The following PCDHGA8 variants were observed in gnomAD, a reference collection of about 807,000 sequenced individuals.
PCDHGA8 encodes the protein protocadherin gamma-A8.
In PCDHGA8, 45 loss-of-function variants were observed where a neutral mutation model predicts 59.2. The observed-to-expected ratio is 0.76, with a 90% CI of 0.60 to 0.98. PCDHGA8 has a LOEUF of 0.98. PCDHGA8 is among the 50% of genes least tolerant of loss of function. The pLI is 0.00. For synonymous variants in PCDHGA8, 531 were observed against 519.0 expected (o/e 1.02, Z -0.32); for missense variants, 1,257 against 1,196.2 (o/e 1.05, Z -0.75).
chr5:141,398,868 CAG>C, intron 1 of PCDHGA8: 1 of 1,613,982 alleles, frequency 6.2e-7, no homozygotes, highest in Non-Finnish European at 8.5e-7. Flanking sequence ...GAGACGTGTA[CAG>C]AGTCAGCCTT....
At chr5:141,447,938 T>G in intron 1 of PCDHGA8, among the ~76,000 whole-genome samples, 1 of 151,870 alleles carries the variant, frequency 6.6e-6, no homozygotes, top group Admixed American at 6.6e-5. Flanking sequence ...ATACAAAAAT[T>G]AGCTGGGCAT....
rs1212381177 is a variant in PCDHGA8 at position 141,438,571 on chromosome 5, TATAC to T, written c.2424+43354_2424+43357del. ...GCCCTAATAAGAGGCAGCTGTCTGATATACATACATACATACATACATATATATA... is the reference window on the plus strand; with the variant it reads ...GCCCTAATAAGAGGCAGCTGTCTGATATACATACATACATACATATATATA... On this transcript the variant is annotated intron_variant, in intron 1 of 3. Transcript: ENST00000398604. 9.4e-4 allele frequency among the ~76,000 whole-genome samples: 89 copies of T among 94,500 alleles called. 1 individual carries two copies. The highest frequency in any genetic ancestry group is 1.8e-3 in the African/African-American group (37 of 20,720). The allele number at this position is 94,500 out of a possible 152,430, so 62.0% of individuals were successfully genotyped here.
Position 141,489,552 on chromosome 5 carries a change from G to T in PCDHGA8, c.2425-5255G>T, listed in dbSNP as rs2099688780. ...GTGGAGCCAGCACCAGCTGCCTGCTGCCAGTGCAGGTGGTGACTGAACACC... is the reference window on the plus strand; with the variant it reads ...GTGGAGCCAGCACCAGCTGCCTGCTTCCAGTGCAGGTGGTGACTGAACACC... On this transcript the variant is annotated intron_variant, in intron 1 of 3. Coordinates refer to ENST00000398604, the MANE Select transcript of PCDHGA8 (RefSeq NM_032088.2). The surrounding 1 kb of genome is among the most constrained non-coding windows in gnomAD (Gnocchi z 4.5). The T allele has an allele frequency of 6.2e-7, 1 of 1,613,988 alleles. No homozygotes were observed. The highest frequency in any genetic ancestry group is 1.7e-5 in the Admixed American group (1 of 60,000).
At chr5:141,469,552 C>T (rs956606902) in intron 1 of PCDHGA8, among the ~76,000 whole-genome samples, 3 of 151,910 alleles carry the variant, frequency 2.0e-5, no homozygotes, top group Non-Finnish European at 4.4e-5. Flanking sequence ...TCCAGCCTGG[C>T]GACAGAGTGA....
intron 3 of PCDHGA8, chr5:141,508,128 T>C (rs1490298338): frequency 6.6e-6 from 1 of 151,706 alleles, no homozygotes; most frequent in African/African-American, 2.4e-5. Context: ...CAGAGGGAGG[T>C]CAGGGAGCTG....
At chr5:141,413,986 A>G (rs1464771336) in intron 1 of PCDHGA8, 1 of 1,613,554 alleles carries the variant, frequency 6.2e-7, no homozygotes, top group Admixed American at 1.7e-5. Flanking sequence ...AGTCACAGCC[A>G]CCGACAGGGA....
chr5:141,472,853 G>A (rs1283601489), intron 1 of PCDHGA8, among the ~76,000 whole-genome samples: 1 of 151,738 alleles, frequency 6.6e-6, no homozygotes, highest in Non-Finnish European at 1.5e-5. Flanking sequence ...GGGCATGGTG[G>A]CACATGCCTG....
intron 1 of PCDHGA8, chr5:141,433,257 G>T: frequency 7.2e-7 from 1 of 1,385,416 alleles, no homozygotes; most frequent in Non-Finnish European, 9.9e-7. Context: ...GCAGCGGTAC[G>T]ATCATAGCTC....
chr5:141,394,127 C>T lies in PCDHGA8; in HGVS notation c.1314C>T (p.Ile438=), dbSNP rs376102299. 4.0e-5 allele frequency: 64 copies of T among 1,613,960 alleles called. No homozygotes were observed. The African/African-American group carries it at 7.1e-4, about 18-fold the overall frequency. ...CACCTCTGTCCACTGAAACTCAAAT[C>T]GCTCTGCACGTGGCAGACATTAACG... is the stretch of plus-strand genomic sequence containing the variant. The part of the protein sequence containing the change: ...GTPPLSTETQ[I]ALHVADINDN... Residue 438 remains isoleucine, a synonymous_variant, in exon 1 of 4, where the codon ATC becomes ATT. Transcript: ENST00000398604.
In PCDHGA8 at chr5:141,394,240, C is replaced by G. The variant is rs1392586422; in HGVS notation, c.1427C>G (p.Ala476Gly). The G allele has an allele frequency of 6.2e-7, 1 of 1,613,822 alleles. No individual in the cohort carries two copies. Among genetic ancestry groups the G allele is most frequent in the African/African-American group, 1.3e-5 (1 of 74,908 alleles). Residue 476 changes from alanine (A) to glycine (G), a missense_variant, in exon 1 of 4, where the codon GCA (alanine) becomes GGA (glycine). Transcript: ENST00000398604. The part of the protein sequence containing the change: ...LRGASIFSLT[A>G]HDPDSQENAQ... The stretch of plus-strand genomic sequence containing the variant: ...GGAGCCTCCATCTTTTCCTTGACTG[C>G]ACACGACCCCGACAGCCAGGAGAAT...
intron 1 of PCDHGA8, chr5:141,403,479 A>G: frequency 1.2e-6 from 2 of 1,613,848 alleles, no homozygotes; most frequent in Non-Finnish European, 1.7e-6. Flanking sequence ...AGCCCCAATC[A>G]CCACTTCTCC....
chr5:141,409,844 C>G (rs1380163040), intron 1 of PCDHGA8: 3 of 1,611,858 alleles, frequency 1.9e-6, no homozygotes, highest in East Asian at 4.5e-5. Flanking sequence ...CAACGTGAGC[C>G]TGCGCGTGTT....
At chr5:141,506,910 G>C (rs1165112258) in intron 3 of PCDHGA8, among the ~76,000 whole-genome samples, 1 of 152,082 alleles carries the variant, frequency 6.6e-6, no homozygotes, top group Admixed American at 6.5e-5. Context: ...ATCACACCTG[G>C]GCACATACTA....
intron 1 of PCDHGA8, among the ~76,000 whole-genome samples, chr5:141,450,397 C>T (rs529143168): frequency 6.6e-6 from 1 of 152,300 alleles, no homozygotes; most frequent in South Asian, 2.1e-4. Flanking sequence ...TTTGTAAAGA[C>T]TAGAAGCCAT....
chr5:141,419,566 C>T (rs765992004), intron 1 of PCDHGA8: 4 of 1,611,790 alleles, frequency 2.5e-6, no homozygotes, highest in East Asian at 2.2e-5. Flanking sequence ...CGCTGGGTCC[C>T]GACGGCTCCG....
chr5:141,499,466 G>C (rs1337970911), intron 2 of PCDHGA8, among the ~76,000 whole-genome samples: 1 of 152,034 alleles, frequency 6.6e-6, no homozygotes, highest in African/African-American at 2.4e-5. Flanking sequence ...TTACAATCTA[G>C]GGAGAACCAC....
Position 141,432,804 on chromosome 5 carries a change from C to T in PCDHGA8, c.2424+37567C>T, listed in dbSNP as rs1482036720. The T allele has an allele frequency of 1.2e-6, 2 of 1,614,182 alleles. No individual in the cohort carries two copies. Among genetic ancestry groups the T allele is most frequent in the Non-Finnish European group, 1.7e-6 (2 of 1,180,008 alleles). ...GACCTCGGCAGCCTCGAGTCTCCAG[C>T]TAACTCTGAAACCTCAGACCTCACT... is the stretch of plus-strand genomic sequence containing the variant. On this transcript the variant is annotated intron_variant, in intron 1 of 3. Transcript: ENST00000398604. This position sits in a 1 kb window ranked among gnomAD's most constrained non-coding sequence, Gnocchi z 6.0.
rs1200950542 is a variant in PCDHGA8, at chr5:141,409,998, G to A, written c.2424+14761G>A. 4 of 1,613,236 alleles carry A rather than the reference G, an allele frequency of 2.5e-6. No homozygotes were observed. In the Admixed American group the frequency reaches 6.7e-5, roughly 27 times the overall value. On this transcript the variant is annotated intron_variant, in intron 1 of 3. Coordinates refer to ENST00000398604, the MANE Select transcript of PCDHGA8 (RefSeq NM_032088.2). ...GTGGTAGCGGTGGACGCCGACTCGGGACACAACGCCTGGCTGTCCTACCAC... is the reference window on the plus strand; with the variant it reads ...GTGGTAGCGGTGGACGCCGACTCGGAACACAACGCCTGGCTGTCCTACCAC...
intron 1 of PCDHGA8, among the ~76,000 whole-genome samples, chr5:141,462,029 G>A (rs535977332): frequency 6.6e-6 from 1 of 152,260 alleles, no homozygotes; most frequent in East Asian, 1.9e-4. Context: ...CTTCATGTTG[G>A]TCAGGCGGGT....
Sources: allele counts gnomAD v4.1 joint callset (sites outside exome capture counted in the v4.1 genomes callset), GRCh38; gene constraint gnomAD v4.1.1; non-coding constraint Gnocchi (gnomAD v3.1); transcripts MANE v1.5; gene names NCBI Gene and HGNC (gene_info 2026-07-23, HGNC 2026-07-21).